EIF2A: variants seen among roughly 807,000 people sequenced by gnomAD.
EIF2A encodes the protein 65 kDa eukaryotic translation initiation factor 2A.
Under a neutral mutation model 75.2 loss-of-function variants are expected in EIF2A, and 62 were observed. That is an observed-to-expected ratio of 0.82 (90% CI 0.67 to 1.02). The LOEUF is 1.02. Among genes scored for constraint, EIF2A ranks in the 50% least tolerant of loss-of-function variants. The probability of loss-of-function intolerance (pLI) is 0.00; values close to 1 mark genes in which losing one functional copy is unlikely to be tolerated. For missense variants in EIF2A, 611 were observed against 677.7 expected (o/e 0.90, Z 1.09); for synonymous variants, 207 against 239.0 (o/e 0.87, Z 1.23).
At chr3:150,575,249 C>A (rs1344526623) in intron 10 of EIF2A, among the ~76,000 whole-genome samples, 1 of 152,134 alleles carries the variant, frequency 6.6e-6, no homozygotes, top group Admixed American at 6.5e-5. Flanking sequence ...AAAGATCTAG[C>A]AAGTAATTCT....
chr3:150,554,615 T>C (rs1197259582), intron 2 of EIF2A, among the ~76,000 whole-genome samples: 1 of 152,228 alleles, frequency 6.6e-6, no homozygotes. Flanking sequence ...TCCCCAGTGA[T>C]ACTGATGCTG....
At chr3:150,552,013 A>G (rs563469060) in intron 1 of EIF2A, among the ~76,000 whole-genome samples, 2 of 152,322 alleles carry the variant, frequency 1.3e-5, no homozygotes, top group Admixed American at 6.5e-5. Context: ...AGATTAGGTC[A>G]CAGATTCAGA....
intron 2 of EIF2A, among the ~76,000 whole-genome samples, chr3:150,555,887 C>A (rs1723539522): frequency 6.6e-6 from 1 of 152,138 alleles, no homozygotes; most frequent in Non-Finnish European, 1.5e-5. Context: ...CACAAATCCA[C>A]AAAATATAGC....
At chr3:150,563,153 A>G (rs962638952) in intron 4 of EIF2A, among the ~76,000 whole-genome samples, 1 of 152,164 alleles carries the variant, frequency 6.6e-6, no homozygotes, top group Non-Finnish European at 1.5e-5. Flanking sequence ...CATGTAATAA[A>G]ATAGTTATAG....
chr3:150,566,488 A>C (rs1724188919), intron 6 of EIF2A: 1 of 152,314 alleles, frequency 6.6e-6, no homozygotes, highest in African/African-American at 2.4e-5. Context: ...TTGCTGTTGC[A>C]TTGATCATTG....
At chr3:150,549,275 A>G (rs1438028954) in intron 1 of EIF2A, among the ~76,000 whole-genome samples, 1 of 148,786 alleles carries the variant, frequency 6.7e-6, no homozygotes, top group Non-Finnish European at 1.5e-5. Context: ...CTGGAGTGCA[A>G]TGGCGCGATC....
chr3:150,562,382 A>C (rs1237857724), intron 3 of EIF2A, among the ~76,000 whole-genome samples, 160 bp from the exon 4 acceptor site: 1 of 151,724 alleles, frequency 6.6e-6, no homozygotes, highest in Non-Finnish European at 1.5e-5. Context: ...AGATTGCGCC[A>C]CTGCACTCCA....
intron 4 of EIF2A, 36 bp from the exon 5 acceptor site, chr3:150,563,479 C>G: frequency 6.8e-7 from 1 of 1,465,246 alleles, no homozygotes; most frequent in Non-Finnish European, 9.3e-7. Context: ...ACAAATGTTA[C>G]AAGGCAATTA....
intron 7 of EIF2A, 59 bp from the exon 8 acceptor site, chr3:150,567,843 T>A: frequency 6.3e-7 from 1 of 1,578,134 alleles, no homozygotes; most frequent in South Asian, 1.2e-5. Context: ...TAAAAACATG[T>A]CCATCTCAGT....
chr3:150,551,063 G>T (rs555006800), intron 1 of EIF2A, among the ~76,000 whole-genome samples: 1 of 152,084 alleles, frequency 6.6e-6, no homozygotes, highest in Non-Finnish European at 1.5e-5. Context: ...TTTTGCACTT[G>T]TTAACTGTTC....
In EIF2A at chr3:150,583,203, C is replaced by T; in HGVS notation, c.1630C>T (p.Leu544=). ...DKKIKNLKKK[L]KAIEQLKEQA... ...GACTCATATTTGATGTTTGCAGAAA[C>T]TGAAAGCAATCGAACAACTGAAAGA... is the stretch of plus-strand genomic sequence containing the variant. The change falls in exon 13 of 14, where the codon CTG becomes TTG. Residue 544 remains leucine, a synonymous_variant. Transcript: ENST00000460851. The T allele has an allele frequency of 6.2e-7, 1 of 1,612,260 alleles. No individual in the cohort carries two copies. The highest frequency in any genetic ancestry group is 8.5e-7 in the Non-Finnish European group (1 of 1,179,386).
intron 10 of EIF2A, among the ~76,000 whole-genome samples, chr3:150,574,829 T>C (rs1724764206): frequency 6.6e-6 from 1 of 152,246 alleles, no homozygotes; most frequent in African/African-American, 2.4e-5. Flanking sequence ...GCTGGTACTT[T>C]TGATGTGCTG....
Position 150,547,129 on chromosome 3 carries a change from TG to T in EIF2A, c.28+302del, listed in dbSNP as rs1161048163. The stretch of plus-strand genomic sequence containing the variant: ...ATGTGCTAGTTGAATTTGTGACACA[TG>T]GGTCTGCAATACTGGTGTTACACGG... On this transcript the variant is annotated intron_variant, in intron 1 of 13. Transcript: ENST00000460851. 2.3e-5 allele frequency: 11 copies of T among 471,540 alleles called. No homozygotes were observed. The Admixed American group carries it at 3.3e-4, about 14-fold the overall frequency. 29.2% of individuals were successfully genotyped at this position (471,540 alleles called of 1,614,324 possible). A position where few individuals can be genotyped will look rare whatever the true frequency, so the allele number is the denominator to read the frequency against.
In EIF2A at chr3:150,583,257, A is replaced by G; in HGVS notation, c.1684A>G (p.Lys562Glu). ...EQAATGKQLE[K>E]NQLEKIQKET... is the part of the protein sequence containing the mutation. ...AGCAGCAACTGGAAAACAGCTAGAA[A>G]AAAATCAGGTACTTTCTGCATTTTT... is the stretch of plus-strand genomic sequence containing the variant. Residue 562 changes from lysine to glutamate, a missense_variant, in exon 13 of 14, where the codon AAA becomes GAA. Transcript: ENST00000460851. 1.9e-6 allele frequency: 3 copies of G among 1,613,082 alleles called. No individual in the cohort carries two copies. Among genetic ancestry groups the G allele is most frequent in the Non-Finnish European group, 2.5e-6 (3 of 1,179,580 alleles).
intron 11 of EIF2A, among the ~76,000 whole-genome samples, chr3:150,581,318 T>C (rs558938660): frequency 3.3e-5 from 5 of 152,300 alleles, no homozygotes; most frequent in South Asian, 2.1e-4. Context: ...ACACCTTAAA[T>C]AGAAAAGCCC....
At chr3:150,573,804 A>C (rs562528792) in intron 10 of EIF2A, among the ~76,000 whole-genome samples, 1 of 152,290 alleles carries the variant, frequency 6.6e-6, no homozygotes, top group East Asian at 1.9e-4. Flanking sequence ...AGGGGAAAAA[A>C]GGTGTTGGGG....
Position 150,585,999 on chromosome 3 carries a change from ACTT to A in EIF2A, c.*2092_*2094del, listed in dbSNP as rs939418895. Among the ~76,000 whole-genome samples, 5 of 152,328 alleles carry A rather than the reference ACTT, an allele frequency of 3.3e-5. No homozygotes were observed. The South Asian group carries it at 8.3e-4, about 25-fold the overall frequency. ...AACCTCCAGAACTGTGAGAAAATAA[ACTT>A]CTTTGTTTAAACCACCTAGTCTGGT... is the stretch of plus-strand genomic sequence containing the variant. On this transcript the variant is annotated 3_prime_UTR_variant, in exon 14 of 14. Transcript: ENST00000460851.
intron 2 of EIF2A, 32 bp downstream of exon 2, chr3:150,552,457 G>C (rs559566467): frequency 6.6e-7 from 1 of 1,518,994 alleles, no homozygotes; most frequent in East Asian, 2.5e-5. Flanking sequence ...AATGTTATAG[G>C]GAACATACAG....
In EIF2A at chr3:150,572,030, T is replaced by C; in HGVS notation, c.884T>C (p.Met295Thr). Residue 295 changes from methionine to threonine, a missense_variant, in exon 10 of 14, where the codon ATG becomes ACG. Transcript: ENST00000460851. Reference protein sequence around the residue: ...STEFCAVYGFMPAKATIFNLK... With the variant: ...STEFCAVYGFTPAKATIFNLK... ...GAGTTTTGTGCTGTATATGGTTTTA[T>C]GCCTGCCAAAGCGACAATTTTCAAC... The C allele has an allele frequency of 6.2e-7, 1 of 1,614,030 alleles. No individual in the cohort carries two copies. Among genetic ancestry groups the C allele is most frequent in the Non-Finnish European group, 8.5e-7 (1 of 1,179,904 alleles).
Sources: gnomAD v4.1 joint callset for allele counts (sites outside exome capture counted in the v4.1 genomes callset) on GRCh38, gnomAD v4.1.1 for gene constraint, MANE v1.5 for transcripts, NCBI Gene and HGNC (gene_info 2026-07-23, HGNC 2026-07-21) for gene names.